KCNH7: variants seen among roughly 807,000 people sequenced by gnomAD.
KCNH7 encodes the protein voltage-gated inwardly rectifying potassium channel KCNH7.
A neutral mutation model predicts 120.8 loss-of-function variants in KCNH7; 49 were observed. The observed-to-expected ratio is 0.41, with a 90% CI of 0.32 to 0.51. The LOEUF (loss-of-function observed/expected upper bound fraction) is 0.51. KCNH7 is among the 20% of genes least tolerant of loss of function. The pLI is 0.38. For missense variants in KCNH7, 1,097 were observed against 1,446.6 expected, an observed-to-expected ratio of 0.76 and a Z score of 3.92; for synonymous variants, 547 against 516.1, an observed-to-expected ratio of 1.06 and a Z score of -0.81.
intron 2 of KCNH7, among the ~76,000 whole-genome samples, chr2:162,717,444 C>T (rs760741712): frequency 6.6e-6 from 1 of 152,106 alleles, no homozygotes; most frequent in Admixed American, 6.6e-5. Flanking sequence ...AAGGAAAGGT[C>T]CATCTCTCTT....
At chr2:162,375,265 G>A (rs989931909) in intron 14 of KCNH7, among the ~76,000 whole-genome samples, 3 of 152,178 alleles carry the variant, frequency 2.0e-5, no homozygotes, top group African/African-American at 7.2e-5. Flanking sequence ...GGGAAAGACT[G>A]GAAGAAGAAC....
chr2:162,387,671 TG>T (rs1046334153), intron 12 of KCNH7, among the ~76,000 whole-genome samples: 8 of 151,718 alleles, frequency 5.3e-5, no homozygotes, highest in African/African-American at 1.9e-4. Flanking sequence ...TTTCTTTAGG[TG>T]GACAGTTCGT....
intron 13 of KCNH7, among the ~76,000 whole-genome samples, chr2:162,382,008 T>C (rs1686434512): frequency 1.3e-5 from 2 of 152,220 alleles, no homozygotes; most frequent in African/African-American, 2.4e-5. Context: ...CCAGTTAATG[T>C]AGAAATCTTT....
chr2:162,438,569 A>C (rs1349257073), intron 7 of KCNH7, among the ~76,000 whole-genome samples: 1 of 152,186 alleles, frequency 6.6e-6, no homozygotes, highest in East Asian at 1.9e-4. Flanking sequence ...ATTACTAAGT[A>C]GTAATTATGT....
chr2:162,378,232 C>A (rs1257644202), intron 14 of KCNH7, among the ~76,000 whole-genome samples: 4 of 152,174 alleles, frequency 2.6e-5, no homozygotes, highest in Non-Finnish European at 5.9e-5. Flanking sequence ...ACAGTAGCAT[C>A]ATGGGTAGGT....
chr2:162,470,213 G>A (rs1689461294), intron 6 of KCNH7, among the ~76,000 whole-genome samples: 2 of 151,338 alleles, frequency 1.3e-5, no homozygotes. Context: ...GCCCAGTCTG[G>A]AAAGTGAGGA....
At chr2:162,529,362 C>A (rs537342377) in intron 3 of KCNH7, among the ~76,000 whole-genome samples, 7 of 151,786 alleles carry the variant, frequency 4.6e-5, no homozygotes, top group Admixed American at 2.6e-4. Context: ...CAAGGGAATG[C>A]GGTGACATGG....
intron 2 of KCNH7, among the ~76,000 whole-genome samples, chr2:162,748,872 C>T (rs1488465032): frequency 4.5e-5 from 4 of 89,116 alleles, no homozygotes; most frequent in East Asian, 6.5e-4. Flanking sequence ...CTCCCCTCCC[C>T]CTTCCCCTCC....
intron 2 of KCNH7, among the ~76,000 whole-genome samples, chr2:162,658,606 T>G (rs971192281): frequency 6.6e-6 from 1 of 152,150 alleles, no homozygotes; most frequent in African/African-American, 2.4e-5. Context: ...TCTATGAACA[T>G]GGGGTTTCTC....
At chr2:162,773,706 A>AT (rs1683141857) in intron 2 of KCNH7, among the ~76,000 whole-genome samples, 1 of 152,200 alleles carries the variant, frequency 6.6e-6, no homozygotes, top group Non-Finnish European at 1.5e-5. Context: ...ATAGCCTGTC[A>AT]TTTTGTAGCT....
intron 2 of KCNH7, among the ~76,000 whole-genome samples, chr2:162,782,537 G>C (rs1023366816): frequency 5.3e-5 from 8 of 152,170 alleles, no homozygotes; most frequent in African/African-American, 1.7e-4. Context: ...GAGGGAAGGA[G>C]AGAGAAAAGT....
chr2:162,575,792 AG>A (rs1265919811), intron 2 of KCNH7, among the ~76,000 whole-genome samples: 7 of 152,120 alleles, frequency 4.6e-5, no homozygotes, highest in African/African-American at 1.2e-4. Context: ...CTTGGAACTA[AG>A]GGGATTATGT....
chr2:162,414,398 C>A (rs989091922), intron 9 of KCNH7, among the ~76,000 whole-genome samples: 4 of 151,146 alleles, frequency 2.6e-5, no homozygotes, highest in African/African-American at 4.9e-5. Flanking sequence ...AGAGAAGAAA[C>A]CATTAGTATA....
rs771839703 is a variant in KCNH7 at position 162,371,642 on chromosome 2, T to C, written c.*187A>G. ...TTTTAACATTTGGAACCAAAAGTTC[T>C]TATGTATATTTACATCCTAACTGCT... is the stretch of plus-strand genomic sequence containing the variant. On this transcript the variant is annotated 3_prime_UTR_variant, in exon 16 of 16. Coordinates refer to ENST00000332142, the MANE Select transcript of KCNH7 (RefSeq NM_033272.4). 1 of 765,850 alleles carries C rather than the reference T, an allele frequency of 1.3e-6. No individual in the cohort carries two copies. Among genetic ancestry groups the C allele is most frequent in the Non-Finnish European group, 2.0e-6 (1 of 506,854 alleles). 47.4% of individuals were successfully genotyped at this position (765,850 alleles called of 1,614,324 possible). A position where few individuals can be genotyped will look rare whatever the true frequency, so the allele number is the denominator to read the frequency against.
chr2:162,547,183 T>G (rs543965016), intron 2 of KCNH7, among the ~76,000 whole-genome samples: 21 of 152,260 alleles, frequency 1.4e-4, no homozygotes, highest in African/African-American at 4.6e-4. Flanking sequence ...GAGAATTCAC[T>G]TAGTCTCATG....
At chr2:162,801,059 A>G (rs1455399689) in intron 2 of KCNH7, among the ~76,000 whole-genome samples, 1 of 151,846 alleles carries the variant, frequency 6.6e-6, no homozygotes, top group Non-Finnish European at 1.5e-5. Flanking sequence ...CCATGTTTAT[A>G]TTTATGGAAA....
chr2:162,743,159 T>C (rs1156252878), intron 2 of KCNH7, among the ~76,000 whole-genome samples: 4 of 152,188 alleles, frequency 2.6e-5, no homozygotes, highest in Non-Finnish European at 5.9e-5. Context: ...GTCTACCATC[T>C]GCATCTCTCT....
chr2:162,385,832 A>G (rs1686555684), intron 12 of KCNH7, among the ~76,000 whole-genome samples: 1 of 151,896 alleles, frequency 6.6e-6, no homozygotes, highest in African/African-American at 2.4e-5. Flanking sequence ...TAGAAGGCCA[A>G]ATGAACCGAT....
intron 2 of KCNH7, among the ~76,000 whole-genome samples, chr2:162,636,486 C>T (rs1344833219): frequency 1.3e-5 from 2 of 152,064 alleles, no homozygotes; most frequent in Non-Finnish European, 2.9e-5. Flanking sequence ...GTTTCTTATG[C>T]TCTTATTTTT....
Sources: allele counts gnomAD v4.1 joint callset (sites outside exome capture counted in the v4.1 genomes callset), GRCh38; gene constraint gnomAD v4.1.1; transcripts MANE v1.5; gene names NCBI Gene and HGNC (gene_info 2026-07-23, HGNC 2026-07-21).